The following CCDC91 variants were observed in gnomAD, a reference collection of about 807,000 sequenced individuals.
CCDC91 encodes the protein coiled-coil domain-containing protein 91.
CCDC91 carries 48 observed loss-of-function variants against 63.2 expected under a neutral mutation model. The ratio of observed to expected loss-of-function variants is 0.76; its 90% confidence interval spans 0.60 to 0.97. CCDC91 has a LOEUF of 0.97. Ranked by LOEUF, CCDC91 falls within the 50% of genes least tolerant of loss-of-function variation. The probability of loss-of-function intolerance (pLI) is 0.00; values close to 1 mark genes in which losing one functional copy is unlikely to be tolerated. For missense variants in CCDC91, 500 were observed against 494.6 expected (o/e 1.01, Z -0.10); for synonymous variants, 167 against 165.8 (o/e 1.01, Z -0.06).
intron 3 of CCDC91, among the ~76,000 whole-genome samples, chr12:28,301,525 T>C (rs568512664): frequency 6.6e-6 from 1 of 151,730 alleles, no homozygotes; most frequent in East Asian, 1.9e-4. Flanking sequence ...AAATCTTGAA[T>C]TTTTCTGATT....
At chr12:28,391,896 T>TC (rs1945970696) in intron 8 of CCDC91, among the ~76,000 whole-genome samples, 2 of 152,160 alleles carry the variant, frequency 1.3e-5, no homozygotes, top group South Asian at 4.1e-4. Context: ...ACAAAGCAGC[T>TC]GAAGATTTAT....
At chr12:28,404,899 C>T (rs1263629110) in intron 8 of CCDC91, among the ~76,000 whole-genome samples, 1 of 151,964 alleles carries the variant, frequency 6.6e-6, no homozygotes, top group Non-Finnish European at 1.5e-5. Context: ...GTGGATTTCT[C>T]ATAGACAGCA....
intron 3 of CCDC91, among the ~76,000 whole-genome samples, chr12:28,260,520 A>G (rs1946754876): frequency 6.6e-6 from 1 of 151,180 alleles, no homozygotes; most frequent in South Asian, 2.1e-4. Flanking sequence ...GTTCATTCCT[A>G]CCCCCTTATG....
chr12:28,492,131 A>G (rs1308750823), intron 12 of CCDC91, among the ~76,000 whole-genome samples: 1 of 151,754 alleles, frequency 6.6e-6, no homozygotes, highest in African/African-American at 2.4e-5. Flanking sequence ...ATCTGTCTAT[A>G]TCTATATATT....
At chr12:28,322,200 CTAAAATTACAGGATAG>C (rs1389170934) in intron 6 of CCDC91, among the ~76,000 whole-genome samples, 1 of 151,876 alleles carries the variant, frequency 6.6e-6, no homozygotes, top group East Asian at 1.9e-4. Flanking sequence ...CCATCTGCAT[CTAAAATTACAGGATAG>C]TTGCTAGGGA....
intron 1 of CCDC91, among the ~76,000 whole-genome samples, chr12:28,229,436 T>C (rs186883449): frequency 1.8e-3 from 272 of 152,264 alleles, no homozygotes; most frequent in African/African-American, 5.6e-3. Context: ...TAGAGTGATG[T>C]GACAGTAATT....
intron 3 of CCDC91, among the ~76,000 whole-genome samples, chr12:28,271,779 C>A (rs1947780098): frequency 6.6e-6 from 1 of 151,438 alleles, no homozygotes; most frequent in Non-Finnish European, 1.5e-5. Flanking sequence ...GAATGTGGAA[C>A]ATTTGAAATT....
chr12:28,467,049 T>C (rs1254171246), intron 11 of CCDC91, among the ~76,000 whole-genome samples: 1 of 152,000 alleles, frequency 6.6e-6, no homozygotes, highest in Admixed American at 6.6e-5. Context: ...TAACGGGTAC[T>C]AAGATAGCAA....
chr12:28,462,902 A>G (rs1252540461), intron 11 of CCDC91, among the ~76,000 whole-genome samples: 1 of 152,158 alleles, frequency 6.6e-6, no homozygotes, highest in Non-Finnish European at 1.5e-5. Flanking sequence ...CCTAGAGATG[A>G]TGATACTTAA....
intron 1 of CCDC91, among the ~76,000 whole-genome samples, chr12:28,244,713 T>C (rs1365977216): frequency 1.3e-5 from 2 of 151,650 alleles, no homozygotes; most frequent in African/African-American, 2.4e-5. Flanking sequence ...GGCTTTTCCA[T>C]GTGATATCTC....
At chr12:28,241,995 C>CA (rs1209663723) in intron 1 of CCDC91, among the ~76,000 whole-genome samples, 1,134 of 40,606 alleles carry the variant, frequency 0.028, 32 homozygotes, top group East Asian at 0.034. Flanking sequence ...GACTCCTTCT[C>CA]AAAAAAAAAA....
In CCDC91 at chr12:28,275,594, C is replaced by A. The variant is rs193293601; in HGVS notation, c.109+16152C>A. 3.8e-3 allele frequency among the ~76,000 whole-genome samples: 576 copies of A among 152,022 alleles called. 2 individuals are homozygous for A. Among genetic ancestry groups the A allele is most frequent in the African/African-American group, 8.3e-3 (344 of 41,480 alleles). On this transcript the variant is annotated intron_variant, in intron 3 of 12. Coordinates refer to ENST00000536442, the MANE Select transcript of CCDC91 (RefSeq NM_018318.5). ...TGAAACTATTCCAATCAATAGAAAACGAGGGAATCCTCCCTAACTCATTAT... is the reference window on the plus strand; with the variant it reads ...TGAAACTATTCCAATCAATAGAAAAAGAGGGAATCCTCCCTAACTCATTAT...
chr12:28,349,609 T>C (rs1487922257), intron 6 of CCDC91, among the ~76,000 whole-genome samples: 2 of 152,166 alleles, frequency 1.3e-5, no homozygotes, highest in Non-Finnish European at 2.9e-5. Flanking sequence ...ATTTAGCTGG[T>C]CTTTCTTGCT....
intron 12 of CCDC91, among the ~76,000 whole-genome samples, chr12:28,490,540 T>C (rs1453308968): frequency 6.6e-6 from 1 of 151,892 alleles, no homozygotes; most frequent in Non-Finnish European, 1.5e-5. Flanking sequence ...TAACCAGTAC[T>C]AACCATCTTG....
intron 6 of CCDC91, among the ~76,000 whole-genome samples, chr12:28,321,171 C>T (rs565559043): frequency 6.6e-6 from 1 of 151,554 alleles, no homozygotes; most frequent in South Asian, 2.1e-4. Flanking sequence ...TATTATTTAG[C>T]TCTCTATTTG....
chr12:28,442,458 A>G (rs1044148181), intron 8 of CCDC91, among the ~76,000 whole-genome samples: 6 of 152,136 alleles, frequency 3.9e-5, no homozygotes, highest in Admixed American at 1.3e-4. Context: ...AAAATAATAC[A>G]AGGGCAATTT....
At chr12:28,258,397 G>A (rs1946592558) in intron 2 of CCDC91, among the ~76,000 whole-genome samples, 2 of 151,900 alleles carry the variant, frequency 1.3e-5, no homozygotes, top group South Asian at 4.2e-4. Flanking sequence ...CACACTTCAT[G>A]TATTATTTAG....
At chr12:28,547,103 A>G (rs553385370) in intron 12 of CCDC91, among the ~76,000 whole-genome samples, 17 of 152,248 alleles carry the variant, frequency 1.1e-4, no homozygotes, top group African/African-American at 4.1e-4. Context: ...TAAGGATTAT[A>G]AGATGTGGAC....
At chr12:28,218,794 T>C (rs1943741735) in intron 1 of CCDC91, among the ~76,000 whole-genome samples, 2 of 152,116 alleles carry the variant, frequency 1.3e-5, no homozygotes, top group South Asian at 4.1e-4. Flanking sequence ...GATTCTTTCA[T>C]ATTGTTGCAT....
Sources: allele counts gnomAD v4.1 joint callset (sites outside exome capture counted in the v4.1 genomes callset), GRCh38; gene constraint gnomAD v4.1.1; transcripts MANE v1.5; gene names NCBI Gene and HGNC (gene_info 2026-07-23, HGNC 2026-07-21).